CPXM2: variants seen among roughly 807,000 people sequenced by gnomAD.
The protein encoded by CPXM2 is inactive carboxypeptidase-like protein X2.
CPXM2 carries 66 observed loss-of-function variants against 86.1 expected under a neutral mutation model. The ratio of observed to expected loss-of-function variants is 0.77; its 90% CI spans 0.63 to 0.94. CPXM2 has a LOEUF of 0.94. Among genes scored for constraint, CPXM2 ranks in the 40% least tolerant of loss-of-function variants. CPXM2 has a pLI of 0.00. For synonymous variants in CPXM2, 388 were observed against 400.2 expected, an observed-to-expected ratio of 0.97 and a Z score of 0.36; for missense variants, 948 against 1,026.3, an observed-to-expected ratio of 0.92 and a Z score of 1.04.
chr10:123,837,398 T>C (rs1299934400), intron 4 of CPXM2, among the ~76,000 whole-genome samples: 2 of 152,214 alleles, frequency 1.3e-5, no homozygotes, highest in Non-Finnish European at 2.9e-5. Flanking sequence ...TGCACTGACT[T>C]CAAGATATAC....
intron 2 of CPXM2, among the ~76,000 whole-genome samples, chr10:123,909,932 C>G (rs1419058686): frequency 6.6e-6 from 1 of 152,180 alleles, no homozygotes; most frequent in African/African-American, 2.4e-5. Flanking sequence ...CACGTGGAAA[C>G]AAAGATGCCC....
chr10:123,940,092 CCT>C (rs1465783190), intron 1 of CPXM2: 1 of 152,348 alleles, frequency 6.6e-6, no homozygotes, highest in Non-Finnish European at 1.5e-5. Flanking sequence ...TGTAAAGCTC[CCT>C]GAGCTCGAAG....
chr10:123,802,373 C>T (rs1162607463), intron 4 of CPXM2, among the ~76,000 whole-genome samples: 1 of 152,180 alleles, frequency 6.6e-6, no homozygotes, highest in Non-Finnish European at 1.5e-5. Flanking sequence ...CCGAAATAAG[C>T]GTGATCACAG....
chr10:123,790,946 G>A (rs143801526), intron 6 of CPXM2, among the ~76,000 whole-genome samples: 1 of 152,300 alleles, frequency 6.6e-6, no homozygotes, highest in East Asian at 1.9e-4. Flanking sequence ...AAGCTGCGAT[G>A]CTATCATTAT....
At chr10:123,767,818 G>A (rs868733042) in intron 9 of CPXM2, among the ~76,000 whole-genome samples, 4 of 152,006 alleles carry the variant, frequency 2.6e-5, no homozygotes, top group Admixed American at 6.6e-5. Context: ...TGTAAAGAAC[G>A]TATCAGAATA....
At chr10:123,752,914 A>C (rs951745054) in intron 13 of CPXM2, among the ~76,000 whole-genome samples, 2 of 152,190 alleles carry the variant, frequency 1.3e-5, no homozygotes, top group African/African-American at 4.8e-5. Flanking sequence ...ATGGGGGCGA[A>C]GAGACAGAAA....
At chr10:123,882,444 G>C (rs1202900383) in intron 1 of CPXM2, among the ~76,000 whole-genome samples, 6 of 152,168 alleles carry the variant, frequency 3.9e-5, no homozygotes, top group African/African-American at 1.4e-4. Context: ...CCTGACCAGG[G>C]CTCTGTAAAG....
At chr10:123,764,379 AT>A (rs1452303646) in intron 10 of CPXM2, among the ~76,000 whole-genome samples, 1 of 152,204 alleles carries the variant, frequency 6.6e-6, no homozygotes, top group Non-Finnish European at 1.5e-5. Flanking sequence ...ATTGTGAATA[AT>A]TGTTAAATTT....
chr10:123,833,828 G>A (rs1473676797), intron 4 of CPXM2, among the ~76,000 whole-genome samples: 2 of 152,222 alleles, frequency 1.3e-5, no homozygotes, highest in Non-Finnish European at 2.9e-5. Context: ...ATAAGATAGA[G>A]GAATGGGGTA....
intron 10 of CPXM2, among the ~76,000 whole-genome samples, chr10:123,763,522 C>T (rs1046695025): frequency 4.0e-5 from 6 of 151,310 alleles, no homozygotes; most frequent in African/African-American, 9.7e-5. Flanking sequence ...CAAAATATAT[C>T]GTTTGGGTTT....
intron 3 of CPXM2, among the ~76,000 whole-genome samples, chr10:123,845,771 A>G (rs1309070925): frequency 6.6e-6 from 1 of 152,208 alleles, no homozygotes; most frequent in East Asian, 1.9e-4. Context: ...TCATTTTGAA[A>G]CTTCAAAACA....
intron 2 of CPXM2, among the ~76,000 whole-genome samples, chr10:123,878,132 G>A (rs1590092195): frequency 6.6e-6 from 1 of 151,956 alleles, no homozygotes; most frequent in Non-Finnish European, 1.5e-5. Flanking sequence ...TGCATTTGAG[G>A]CCACACCTTG....
chr10:123,773,120 T>C (rs1463371408), intron 7 of CPXM2, among the ~76,000 whole-genome samples: 1 of 151,074 alleles, frequency 6.6e-6, no homozygotes, highest in Non-Finnish European at 1.5e-5. Flanking sequence ...GCTGTTATTG[T>C]GGTCACCCCC....
chr10:123,751,651 C>T, intron 13 of CPXM2: 1 of 985,424 alleles, frequency 1.0e-6, no homozygotes, highest in Non-Finnish European at 1.2e-6. Flanking sequence ...CTACCAGCTT[C>T]CCTCCCTGTG....
At chr10:123,830,870 C>G (rs61863830) in intron 4 of CPXM2, among the ~76,000 whole-genome samples, 65 of 102,678 alleles carry the variant, frequency 6.3e-4, no homozygotes, top group Middle Eastern at 4.2e-3. Flanking sequence ...CTCTCTCTCT[C>G]TCTGTGTGTG....
chr10:123,861,621 G>C (rs1475157889), intron 3 of CPXM2, among the ~76,000 whole-genome samples: 8 of 152,118 alleles, frequency 5.3e-5, no homozygotes, highest in Admixed American at 5.2e-4. Context: ...CAAGAAATCA[G>C]AACAGAGAAC....
At chr10:123,923,078 G>A (rs372273126) in intron 2 of CPXM2, among the ~76,000 whole-genome samples, 1 of 152,248 alleles carries the variant, frequency 6.6e-6, no homozygotes, top group Non-Finnish European at 1.5e-5. Context: ...GAAAAGGAGG[G>A]ATAGAAAAAC....
chr10:123,780,216 G>A lies in CPXM2; in HGVS notation c.929C>T (p.Thr310Ile). Residue 310 changes from threonine (T) to isoleucine (I), a missense_variant, in exon 7 of 14, where the codon ACC (threonine) becomes ATC (isoleucine). Physicochemically the swap from Thr to Ile is moderately conservative, Grantham distance 89. Transcript: ENST00000241305. The part of the protein sequence containing the change: ...NYYHRRNEMT[T>I]TDDLDFKHHN... The stretch of plus-strand genomic sequence containing the variant: ...GTGCTTAAAATCCAGGTCATCAGTG[G>A]TGGTCATCTCGTTCCGGCGGTGATA... 1 of 1,611,754 alleles carries A rather than the reference G, an allele frequency of 6.2e-7. No homozygotes were observed.
chr10:123,912,979 T>C (rs1048143808), intron 2 of CPXM2, among the ~76,000 whole-genome samples: 2 of 152,216 alleles, frequency 1.3e-5, no homozygotes, highest in African/African-American at 2.4e-5. Context: ...CGGGTAGTTC[T>C]CTGCTGAAAG....
Sources: allele counts gnomAD v4.1 joint callset (sites outside exome capture counted in the v4.1 genomes callset), GRCh38; gene constraint gnomAD v4.1.1; transcripts MANE v1.5; gene names NCBI Gene and HGNC (gene_info 2026-07-23, HGNC 2026-07-21).